CCDC171: variants seen among roughly 807,000 people sequenced by gnomAD.
CCDC171 encodes the protein coiled-coil domain-containing protein 171.
CCDC171 carries 177 observed loss-of-function variants against 168.2 expected under a neutral mutation model. The ratio of observed to expected loss-of-function variants is 1.05; its 90% CI spans 0.93 to 1.19. The LOEUF (loss-of-function observed/expected upper bound fraction) is 1.19. Ranked by LOEUF, CCDC171 falls within the 50% of genes most tolerant of loss-of-function variation. CCDC171 has a pLI of 0.00. For synonymous variants in CCDC171, 687 were observed against 540.8 expected (o/e 1.27, Z -3.75); for missense variants, 1,991 against 1,539.0 (o/e 1.29, Z -4.91).
intron 3 of CCDC171, among the ~76,000 whole-genome samples, chr9:15,575,720 T>C (rs1403197648): frequency 2.0e-5 from 3 of 152,236 alleles, no homozygotes; most frequent in Admixed American, 6.5e-5. Context: ...CAGTCCTCCT[T>C]TTAACAAGTC....
chr9:15,881,756 A>G (rs996066516), intron 24 of CCDC171, among the ~76,000 whole-genome samples: 1 of 152,188 alleles, frequency 6.6e-6, no homozygotes, highest in Non-Finnish European at 1.5e-5. Context: ...ATTTCATTTA[A>G]TGACCTGCAG....
At chr9:15,676,584 T>A (rs2049584595) in intron 9 of CCDC171, among the ~76,000 whole-genome samples, 1 of 152,126 alleles carries the variant, frequency 6.6e-6, no homozygotes, top group African/African-American at 2.4e-5. Flanking sequence ...CCCAAGGACT[T>A]CCCTTTAACA....
At chr9:16,092,573 C>T in the CCDC171 span, among the ~76,000 whole-genome samples, 1 of 152,176 alleles carries the variant, frequency 6.6e-6, no homozygotes, top group Non-Finnish European at 1.5e-5. Flanking sequence ...TGTCATAGCA[C>T]TTTACAACTA....
At chr9:15,557,296 A>G (rs921915417) in intron 1 of CCDC171, among the ~76,000 whole-genome samples, 1 of 152,124 alleles carries the variant, frequency 6.6e-6, no homozygotes, top group African/African-American at 2.4e-5. Flanking sequence ...TGGTAGCTTG[A>G]TGGGGATGGC....
chr9:15,673,984 T>C (rs2133307684), intron 9 of CCDC171, among the ~76,000 whole-genome samples: 1 of 152,208 alleles, frequency 6.6e-6, no homozygotes, highest in Admixed American at 6.5e-5. Flanking sequence ...GTGCTGGGCT[T>C]TTTTTTGGTT....
intron 9 of CCDC171, among the ~76,000 whole-genome samples, chr9:15,673,766 A>G (rs2049304532): frequency 6.6e-6 from 1 of 151,970 alleles, no homozygotes; most frequent in Admixed American, 6.5e-5. Context: ...TTTAATGAGG[A>G]TTTTCGCATC....
intron 3 of CCDC171, among the ~76,000 whole-genome samples, chr9:15,988,990 C>T (rs371357971): frequency 3.9e-5 from 6 of 152,172 alleles, no homozygotes; most frequent in African/African-American, 4.8e-5. Flanking sequence ...TCTGTAGACT[C>T]CACCTCTGGG....
chr9:15,943,794 C>T (rs1827984395), intron 25 of CCDC171, among the ~76,000 whole-genome samples: 2 of 151,956 alleles, frequency 1.3e-5, no homozygotes, highest in Admixed American at 1.3e-4. Flanking sequence ...TTTGATGGAA[C>T]TTATAATCAG....
At chr9:16,040,985 G>A (rs1449663138), upstream of CCDC171, among the ~76,000 whole-genome samples, 1 of 151,970 alleles carries the variant, frequency 6.6e-6, no homozygotes, top group African/African-American at 2.4e-5. Context: ...CAAGCGTGTG[G>A]GTCAAATCTA....
At chr9:15,596,294 T>G (rs1166759612) in intron 6 of CCDC171, among the ~76,000 whole-genome samples, 2 of 152,136 alleles carry the variant, frequency 1.3e-5, no homozygotes, top group African/African-American at 2.4e-5. Context: ...CATTTAAGTC[T>G]TTAATCCATC....
chr9:16,025,114 G>GC (rs1833249771), intron 6 of CCDC171, among the ~76,000 whole-genome samples: 1 of 152,254 alleles, frequency 6.6e-6, no homozygotes, highest in Admixed American at 6.5e-5. Context: ...CTAAGGGTAT[G>GC]CCCCAAATAA....
chr9:15,764,476 T>C (rs2056617868), intron 18 of CCDC171, among the ~76,000 whole-genome samples: 1 of 152,142 alleles, frequency 6.6e-6, no homozygotes, highest in South Asian at 2.1e-4. Flanking sequence ...TTTGCTGATG[T>C]ATGTTGAATG....
intron 6 of CCDC171, among the ~76,000 whole-genome samples, chr9:15,607,587 G>C (rs1040711932): frequency 1.2e-4 from 19 of 152,070 alleles, no homozygotes; most frequent in African/African-American, 4.6e-4. Flanking sequence ...TCAGCCTCCT[G>C]AGTAGCTGAG....
chr9:15,558,342 A>G (rs1268103117), intron 1 of CCDC171, among the ~76,000 whole-genome samples: 2 of 152,134 alleles, frequency 1.3e-5, no homozygotes, highest in Non-Finnish European at 2.9e-5. Flanking sequence ...CTCTGGTAGA[A>G]TTTGGCAGTG....
Position 15,745,617 on chromosome 9 carries a change from T to A in CCDC171, c.2657T>A (p.Val886Asp). 3.2e-6 allele frequency: 5 copies of A among 1,569,512 alleles called. No homozygotes were observed. Among genetic ancestry groups the A allele is most frequent in the Non-Finnish European group, 4.3e-6 (5 of 1,161,954 alleles). Residue 886 changes from valine to aspartate, a missense_variant, in exon 18 of 26, where the codon GTC (valine) becomes GAC (aspartate). Physicochemically the swap from Val to Asp is radical, Grantham distance 152. Coordinates refer to ENST00000380701, the MANE Select transcript of CCDC171 (RefSeq NM_173550.4). ...AGTTCTATGGCTGAATTACAAGACGTCATTGGTAAAGCAGGTATGGTTCCT... is the reference window on the plus strand; with the variant it reads ...AGTTCTATGGCTGAATTACAAGACGACATTGGTAAAGCAGGTATGGTTCCT... The part of the protein sequence containing the change: ...IISSMAELQD[V>D]IGKADPNSRI...
At chr9:15,609,874 C>A (rs974510486) in intron 6 of CCDC171, among the ~76,000 whole-genome samples, 1 of 152,048 alleles carries the variant, frequency 6.6e-6, no homozygotes, top group African/African-American at 2.4e-5. Context: ...CATCAAGAGA[C>A]CTTCCTGTAA....
chr9:15,635,334 G>C (rs1201920470), intron 7 of CCDC171, among the ~76,000 whole-genome samples: 1 of 152,072 alleles, frequency 6.6e-6, no homozygotes, highest in African/African-American at 2.4e-5. Flanking sequence ...TGGAGAAATA[G>C]CTATTTACAC....
chr9:15,896,716 A>T (rs1820950414), intron 24 of CCDC171, among the ~76,000 whole-genome samples: 1 of 152,118 alleles, frequency 6.6e-6, no homozygotes, highest in South Asian at 2.1e-4. Flanking sequence ...ATCTGTGTAT[A>T]CACTGCATTC....
intron 7 of CCDC171, among the ~76,000 whole-genome samples, chr9:15,650,530 T>A (rs1176123590): frequency 1.3e-5 from 2 of 152,198 alleles, no homozygotes; most frequent in African/African-American, 4.8e-5. Flanking sequence ...CATTTACATA[T>A]CTTTTTTAGA....
Sources: gnomAD v4.1 joint callset for allele counts (sites outside exome capture counted in the v4.1 genomes callset) on GRCh38, gnomAD v4.1.1 for gene constraint, MANE v1.5 for transcripts, NCBI Gene and HGNC (gene_info 2026-07-23, HGNC 2026-07-21) for gene names.